Variants in CEP128 observed in about 807,000 individuals in gnomAD.
CEP128 encodes the protein centrosomal protein 128kDa.
A neutral mutation model predicts 156.7 loss-of-function variants in CEP128; 132 were observed. That is an observed-to-expected ratio of 0.84 (90% CI 0.73 to 0.97). The LOEUF (loss-of-function observed/expected upper bound fraction) is 0.97, where lower values mean the gene tolerates loss of function less well. CEP128 is among the 50% of genes least tolerant of loss of function. The pLI is 0.00. For missense variants in CEP128, 1,252 were observed against 1,281.9 expected (o/e 0.98, Z 0.36); for synonymous variants, 469 against 448.9 (o/e 1.04, Z -0.57).
At chr14:80,656,281 A>ATT (rs1566837785) in intron 19 of CEP128, among the ~76,000 whole-genome samples, 298 of 10,942 alleles carry the variant, frequency 0.027, 15 homozygotes, top group African/African-American at 0.15. Context: ...GTTTTTATTT[A>ATT]TATATATATT....
intron 23 of CEP128, among the ~76,000 whole-genome samples, chr14:80,511,388 TGGC>T (rs1888248314): frequency 1.3e-5 from 2 of 152,018 alleles, no homozygotes; most frequent in Non-Finnish European, 2.9e-5. Flanking sequence ...TCCTATTTAT[TGGC>T]ATATAATTAC....
intron 15 of CEP128, among the ~76,000 whole-genome samples, chr14:80,781,384 G>T (rs1377074117): frequency 6.6e-6 from 1 of 150,586 alleles, no homozygotes; most frequent in African/African-American, 2.4e-5. Flanking sequence ...TTGAACCCGG[G>T]AGGCGGAAGC....
chr14:80,510,026 C>T (rs1034762805), intron 23 of CEP128, among the ~76,000 whole-genome samples: 1 of 152,098 alleles, frequency 6.6e-6, no homozygotes, highest in Non-Finnish European at 1.5e-5. Flanking sequence ...GTTACTATAG[C>T]TCTGTAGTAT....
chr14:80,752,045 T>C (rs979671726), intron 18 of CEP128, among the ~76,000 whole-genome samples: 1 of 152,146 alleles, frequency 6.6e-6, no homozygotes, highest in African/African-American at 2.4e-5. Context: ...GTGAGAATCC[T>C]CTACTGAGTC....
rs1313903367 is a variant in CEP128 at position 80,804,059 on chromosome 14, T to G, written c.1210-10949A>C. ...AGTATACTAGAATAAACATGTGTAC[T>G]GCAAAATTATGTGGATGTTTACATT... On this transcript the variant is annotated intron_variant, in intron 13 of 24. Coordinates refer to ENST00000555265, the MANE Select transcript of CEP128 (RefSeq NM_152446.5). Among the ~76,000 whole-genome samples the G allele has an allele frequency of 2.0e-5, 3 of 152,092 alleles. 1 individual carries two copies. The highest frequency in any genetic ancestry group is 3.8e-4 in the East Asian group (2 of 5,202).
chr14:80,868,780 T>C (rs367735876), intron 8 of CEP128, among the ~76,000 whole-genome samples: 1 of 151,746 alleles, frequency 6.6e-6, no homozygotes, highest in African/African-American at 2.4e-5. Flanking sequence ...GAGATACAAA[T>C]AGACCAAAAA....
downstream of CEP128, among the ~76,000 whole-genome samples, chr14:80,492,564 A>C (rs1456193685): frequency 1.3e-5 from 2 of 152,130 alleles, no homozygotes; most frequent in Admixed American, 1.3e-4. Context: ...GGAGAGATGA[A>C]ATATTTCCAA....
intron 19 of CEP128, among the ~76,000 whole-genome samples, chr14:80,635,975 C>T (rs1894165708): frequency 6.6e-6 from 1 of 152,198 alleles, no homozygotes; most frequent in Admixed American, 6.5e-5. Context: ...ATTTGGGTCC[C>T]ATCCCTGAGA....
intron 19 of CEP128, among the ~76,000 whole-genome samples, chr14:80,593,687 C>T (rs1466233152): frequency 1.3e-5 from 2 of 151,776 alleles, no homozygotes; most frequent in Non-Finnish European, 1.5e-5. Context: ...AATAGACAAA[C>T]GGAGAGCCAA....
chr14:80,707,812 A>T (rs1163747747), intron 19 of CEP128, among the ~76,000 whole-genome samples: 2 of 152,162 alleles, frequency 1.3e-5, no homozygotes, highest in Non-Finnish European at 2.9e-5. Context: ...TATGTTTTTT[A>T]AAAAATCTAA....
chr14:80,867,173 C>T (rs192784536), intron 8 of CEP128, among the ~76,000 whole-genome samples: 33 of 152,252 alleles, frequency 2.2e-4, no homozygotes, highest in African/African-American at 7.9e-4. Flanking sequence ...GTTACTTGAA[C>T]AAAAGCACTA....
rs183585751 is a variant in CEP128, at chr14:80,665,621, C to T, written c.2806+77454G>A. On this transcript the variant is annotated intron_variant, in intron 19 of 24. Transcript: ENST00000555265. ...CATGATGAAAACATGGTAGTAAAGCCGTCTTCCAAATGACCTGAATCACTG... is the reference window on the plus strand; with the variant it reads ...CATGATGAAAACATGGTAGTAAAGCTGTCTTCCAAATGACCTGAATCACTG... Among the ~76,000 whole-genome samples, 31 of 152,018 alleles carry T rather than the reference C, an allele frequency of 2.0e-4. No individual in the cohort carries two copies. The East Asian group carries it at 3.3e-3, about 16-fold the overall frequency.
chr14:80,955,655 A>C, intron 2 of CEP128: 1 of 1,613,106 alleles, frequency 6.2e-7, no homozygotes, highest in Non-Finnish European at 8.5e-7. Flanking sequence ...CGGAGGATGG[A>C]GAAATAGCCC....
At chr14:80,951,044 A>G (rs1886454756) in intron 2 of CEP128, among the ~76,000 whole-genome samples, 1 of 152,194 alleles carries the variant, frequency 6.6e-6, no homozygotes, top group Admixed American at 6.5e-5. Context: ...ATGTCAATCT[A>G]TGATTCTATA....
chr14:80,743,164 G>T lies in CEP128; in HGVS notation c.2717C>A (p.Thr906Asn). The T allele has an allele frequency of 6.2e-7, 1 of 1,613,696 alleles. No individual in the cohort carries two copies. Among genetic ancestry groups the T allele is most frequent in the Non-Finnish European group, 8.5e-7 (1 of 1,179,800 alleles). Reference protein sequence around the residue: ...MLCRQQLRNLTENKESELQCL... With the variant: ...MLCRQQLRNLNENKESELQCL... ...CTGCAACTCAGATTCCTTGTTTTCA[G>T]TCAAATTCCTGAGTTGTTGTCTGCA... The change falls in exon 19 of 25, where the codon ACT becomes AAT. Residue 906 changes from threonine to asparagine, a missense_variant. By Grantham distance (65) the Thr-to-Asn change is moderately conservative. Coordinates refer to ENST00000555265, the MANE Select transcript of CEP128 (RefSeq NM_152446.5).
At chr14:80,639,792 T>G (rs1262669927) in intron 19 of CEP128, among the ~76,000 whole-genome samples, 1 of 152,148 alleles carries the variant, frequency 6.6e-6, no homozygotes, top group African/African-American at 2.4e-5. Flanking sequence ...ACTATAATCT[T>G]AAATGGAGCA....
At chr14:80,851,441 A>C (rs949675171) in intron 9 of CEP128, among the ~76,000 whole-genome samples, 2 of 152,144 alleles carry the variant, frequency 1.3e-5, no homozygotes, top group Admixed American at 1.3e-4. Context: ...AGGGAGAAAA[A>C]TGTTCCAGTA....
chr14:80,488,532 G>A (rs1887222349), downstream of CEP128, among the ~76,000 whole-genome samples: 1 of 151,538 alleles, frequency 6.6e-6, no homozygotes, highest in Non-Finnish European at 1.5e-5. Flanking sequence ...TTACACTGTT[G>A]GTGGGACTGT....
chr14:80,814,045 CA>C (rs1884709069), intron 13 of CEP128, among the ~76,000 whole-genome samples: 1 of 152,044 alleles, frequency 6.6e-6, no homozygotes, highest in Non-Finnish European at 1.5e-5. Flanking sequence ...TTCTTGTTTC[CA>C]ATTTGATCTT....
Sources: allele counts gnomAD v4.1 joint callset (sites outside exome capture counted in the v4.1 genomes callset), GRCh38; gene constraint gnomAD v4.1.1; transcripts MANE v1.5; gene names NCBI Gene and HGNC (gene_info 2026-07-23, HGNC 2026-07-21).